The following AQP7 variants were observed in gnomAD, a reference collection of about 807,000 sequenced individuals.
AQP7 encodes aquaporin 7.
Under a neutral mutation model 26.1 loss-of-function variants are expected in AQP7, and 22 were observed. The observed-to-expected ratio is 0.84, with a 90% CI of 0.60 to 1.20. The LOEUF is 1.20. Among genes scored for constraint, AQP7 ranks in the 50% most tolerant of loss-of-function variants. AQP7 has a pLI of 0.00. For synonymous variants in AQP7, 167 were observed against 181.7 expected (o/e 0.92, Z 0.65); for missense variants, 412 against 457.5 (o/e 0.90, Z 0.91).
intron 3 of AQP7, among the ~76,000 whole-genome samples, chr9:33,391,914 T>A (rs1193642872): frequency 1.3e-5 from 2 of 152,142 alleles, no homozygotes; most frequent in Non-Finnish European, 2.9e-5. Flanking sequence ...TTGAACTACC[T>A]GAAAGTGAGG....
intron 3 of AQP7, among the ~76,000 whole-genome samples, chr9:33,393,329 C>T (rs144844105): frequency 2.6e-5 from 4 of 152,332 alleles, no homozygotes; most frequent in African/African-American, 4.8e-5. Context: ...CCAAAGCCCA[C>T]GAAAGCCTAA....
chr9:33,395,347 T>C, intron 2 of AQP7, 152 bp from the exon 3 acceptor site: 3 of 660,512 alleles, frequency 4.5e-6, no homozygotes, highest in African/African-American at 1.8e-5. Flanking sequence ...ACAGCTGGAA[T>C]TGGAGACACT....
chr9:33,398,603 G>A lies in AQP7; in HGVS notation c.26+2634C>T, dbSNP rs1479498325. 4.6e-5 allele frequency among the ~76,000 whole-genome samples: 7 copies of A among 152,356 alleles called. No individual in the cohort carries two copies. The East Asian group carries it at 1.2e-3, about 25-fold the overall frequency. On this transcript the variant is annotated intron_variant, in intron 2 of 7. Transcript: ENST00000297988. Reference sequence around the variant, plus strand: ...AGCGATGCCCTCAGGTCCTGGCTAGGGCAGGTCCTGACTAGTGTGGGGCGC... The same window carrying A: ...AGCGATGCCCTCAGGTCCTGGCTAGAGCAGGTCCTGACTAGTGTGGGGCGC...
chr9:33,386,869 C>T, intron 4 of AQP7, 100 bp downstream of exon 4: 1 of 1,542,312 alleles, frequency 6.5e-7, no homozygotes. Context: ...CAGGCTGAGG[C>T]ACTGGCTGTG....
intron 2 of AQP7, among the ~76,000 whole-genome samples, chr9:33,397,292 T>C (rs556390): frequency 0.67 from 101,391 of 151,626 alleles, 34,482 homozygotes; most frequent in African/African-American, 0.78. Flanking sequence ...TTCCAGGATT[T>C]CCTTGGTGTT....
At chr9:33,389,023 A>ATTT (rs34391457) in intron 3 of AQP7, among the ~76,000 whole-genome samples, 1 of 111,072 alleles carries the variant, frequency 9.0e-6, no homozygotes, top group Non-Finnish European at 1.9e-5. Flanking sequence ...CACCCAGCCA[A>ATTT]TTTTTTTTTT....
chr9:33,385,099 G>A lies in AQP7; in HGVS notation c.935C>T (p.Ser312Phe). The change falls in exon 8 of 8, where the codon TCT becomes TTT. Residue 312 changes from serine to phenylalanine, a missense_variant. Coordinates refer to ENST00000297988, the MANE Select transcript of AQP7 (RefSeq NM_001170.3). ...PKMGSHEPTISPLTPVSVSPA... is the reference protein window; with the variant it reads ...PKMGSHEPTIFPLTPVSVSPA... ...GCTCACAGAGACGGGGGTGAGGGGA[G>A]AGATCGTGGGTTCATGAGATCCCAT... 6.2e-7 allele frequency: 1 copy of A among 1,611,992 alleles called. No individual in the cohort carries two copies. Among genetic ancestry groups the A allele is most frequent in the South Asian group, 1.1e-5 (1 of 90,986 alleles).
At chr9:33,401,541 G>A (rs3860981) in intron 1 of AQP7, 7 of 520,944 alleles carry the variant, frequency 1.3e-5, no homozygotes, top group Admixed American at 9.5e-5. Context: ...CTGACCTTCC[G>A]TGTCTGCAGC....
chr9:33,388,941 C>G (rs1443867500), intron 3 of AQP7, among the ~76,000 whole-genome samples: 2 of 152,152 alleles, frequency 1.3e-5, no homozygotes, highest in African/African-American at 4.8e-5. Context: ...ATTGCAGCCT[C>G]CATCTCCTGG....
intron 3 of AQP7, 142 bp downstream of exon 3, chr9:33,394,936 T>A (rs1325839739): frequency 5.5e-6 from 4 of 733,708 alleles, no homozygotes; most frequent in Non-Finnish European, 9.3e-6. Context: ...AAGCCCCCCC[T>A]CCTTACTTTC....
chr9:33,388,897 C>A (rs1825116746), intron 3 of AQP7, among the ~76,000 whole-genome samples: 1 of 152,182 alleles, frequency 6.6e-6, no homozygotes. Flanking sequence ...TGCTCTATCA[C>A]CCAGGCTGGA....
intron 2 of AQP7, among the ~76,000 whole-genome samples, chr9:33,398,391 G>T (rs1295288747): frequency 6.6e-6 from 1 of 151,954 alleles, no homozygotes; most frequent in African/African-American, 2.4e-5. Flanking sequence ...CAGGAGAGCT[G>T]CCTCCCCTGT....
rs1824592337 is a variant in AQP7 at position 33,384,938 on chromosome 9, TG to T, written c.*66del. The T allele has an allele frequency of 4.0e-6, 6 of 1,513,792 alleles. No individual in the cohort carries two copies. Among genetic ancestry groups the T allele is most frequent in the South Asian group, 2.6e-5 (2 of 78,194 alleles). 93.8% of individuals were successfully genotyped at this position (1,513,792 alleles called of 1,614,324 possible). A position where few individuals can be genotyped will look rare whatever the true frequency, so the allele number is the denominator to read the frequency against. On this transcript the variant is annotated 3_prime_UTR_variant, in exon 8 of 8. Coordinates refer to ENST00000297988, the MANE Select transcript of AQP7 (RefSeq NM_001170.3). The stretch of plus-strand genomic sequence containing the variant: ...CCAACCACAGGAGGCCCCCAGGAAG[TG>T]GGGGTACTGCTGTCGGACAAGCCTT...
At chr9:33,387,183 T>C (rs1246740009) in intron 3 of AQP7, 91 bp from the exon 4 acceptor site, 19 of 1,414,370 alleles carry the variant, frequency 1.3e-5, no homozygotes, top group Admixed American at 8.3e-5. Context: ...CTCACCCCCA[T>C]GCCCTGGGCC....
intron 2 of AQP7, among the ~76,000 whole-genome samples, chr9:33,400,391 G>C (rs148294843): frequency 4.8e-4 from 73 of 152,230 alleles, no homozygotes; most frequent in African/African-American, 1.7e-3. Flanking sequence ...AGCCATGAAG[G>C]AGACGAGAGT....
chr9:33,389,764 C>A (rs563262358), intron 3 of AQP7, among the ~76,000 whole-genome samples: 1 of 152,116 alleles, frequency 6.6e-6, no homozygotes, highest in South Asian at 2.1e-4. Context: ...AGGCCGGATG[C>A]GGTGGCTCAT....
At chr9:33,394,983 G>C (rs1056815600) in intron 3 of AQP7, 95 bp downstream of exon 3, 1 of 1,096,368 alleles carries the variant, frequency 9.1e-7, no homozygotes, top group Admixed American at 1.8e-5. Flanking sequence ...TCAGAGGCAA[G>C]GAATGGACAA....
intron 5 of AQP7, 39 bp from the exon 6 acceptor site, chr9:33,386,234 C>T: frequency 1.2e-6 from 2 of 1,612,634 alleles, no homozygotes; most frequent in Non-Finnish European, 1.7e-6. Context: ...CTGCTCCCAA[C>T]TAAGCCCCAC....
chr9:33,398,761 T>C (rs1826032582), intron 2 of AQP7, among the ~76,000 whole-genome samples: 1 of 151,804 alleles, frequency 6.6e-6, no homozygotes, highest in South Asian at 2.1e-4. Flanking sequence ...ACAGACACAT[T>C]TGGAGGACAG....
Sources: allele counts gnomAD v4.1 joint callset (sites outside exome capture counted in the v4.1 genomes callset), GRCh38; gene constraint gnomAD v4.1.1; transcripts MANE v1.5; gene names NCBI Gene and HGNC (gene_info 2026-07-23, HGNC 2026-07-21).